Variants in HPCAL1 observed in about 807,000 individuals in gnomAD.
HPCAL1 encodes the protein hippocalcin like 1, also known as hippocalcin-like protein 1.
Under a neutral mutation model 17.1 loss-of-function variants are expected in HPCAL1, and 8 were observed. The observed-to-expected ratio is 0.47, with a 90% CI of 0.27 to 0.84. The LOEUF (loss-of-function observed/expected upper bound fraction) is 0.84. Ranked by LOEUF, HPCAL1 falls within the 40% of genes least tolerant of loss-of-function variation. The pLI is 0.13. For synonymous variants in HPCAL1, 112 were observed against 111.4 expected (o/e 1.01, Z -0.03); for missense variants, 165 against 271.1 (o/e 0.61, Z 2.75).
chr2:10,399,310 C>CCATCAT (rs1465013259), intron 2 of HPCAL1, among the ~76,000 whole-genome samples: 1 of 80,916 alleles, frequency 1.2e-5, no homozygotes, highest in Non-Finnish European at 2.6e-5. Context: ...ACCACCACCA[C>CCATCAT]CACCACCACC....
At chr2:10,371,343 G>A (rs967219513) in intron 1 of HPCAL1, among the ~76,000 whole-genome samples, 2 of 144,894 alleles carry the variant, frequency 1.4e-5, no homozygotes, top group African/African-American at 5.2e-5. Flanking sequence ...ACCCTCTTCT[G>A]GCTCTCCTCC....
intron 1 of HPCAL1, among the ~76,000 whole-genome samples, chr2:10,315,017 C>T (rs561961197): frequency 8.5e-5 from 13 of 152,168 alleles, no homozygotes; most frequent in East Asian, 3.9e-4. Context: ...GCAGGCCAGG[C>T]GCGGTGGCTC....
At chr2:10,321,432 GA>G (rs1008687497) in intron 1 of HPCAL1, among the ~76,000 whole-genome samples, 17 of 152,010 alleles carry the variant, frequency 1.1e-4, no homozygotes, top group Non-Finnish European at 2.1e-4. Context: ...TTTTTCAGGG[GA>G]AAGTGTTGTT....
chr2:10,337,028 C>T (rs1664764536), intron 1 of HPCAL1, among the ~76,000 whole-genome samples: 1 of 152,192 alleles, frequency 6.6e-6, no homozygotes, highest in South Asian at 2.1e-4. Flanking sequence ...GCTGGGATTA[C>T]AGGTGTGAGC....
In HPCAL1 at chr2:10,427,157, C is replaced by T; in HGVS notation, c.*336C>T. ...CCAGGCAGGACCTCCCGAGGCTGCG[C>T]CCCGGCCGGCCCATGCGTTTTGTGA... is the stretch of plus-strand genomic sequence containing the variant. On this transcript the variant is annotated 3_prime_UTR_variant, in exon 5 of 5. Coordinates refer to ENST00000307845, the MANE Select transcript of HPCAL1 (RefSeq NM_002149.4). 1 of 271,948 alleles carries T rather than the reference C, an allele frequency of 3.7e-6. No homozygotes were observed. The highest frequency in any genetic ancestry group is 7.1e-6 in the Non-Finnish European group (1 of 140,382). The allele number at this position is 271,948 out of a possible 1,614,324, so 16.8% of individuals were successfully genotyped here.
rs908251770 is a variant in HPCAL1, at chr2:10,384,860, G to A, written c.-110-11975G>A. Among the ~76,000 whole-genome samples, 3 of 152,198 alleles carry A rather than the reference G, an allele frequency of 2.0e-5. No homozygotes were observed. Among genetic ancestry groups the A allele is most frequent in the African/African-American group, 7.2e-5 (3 of 41,454 alleles). On this transcript the variant is annotated intron_variant, in intron 1 of 4. Coordinates refer to ENST00000307845, the MANE Select transcript of HPCAL1 (RefSeq NM_002149.4). This position sits in a 1 kb window ranked among gnomAD's most constrained non-coding sequence, Gnocchi z 4.4. ...CGACAGGCTGGGTGCGGTGGCTCAT[G>A]CCTGTAATCCCAACGCTTTGGGAGG... is the stretch of plus-strand genomic sequence containing the variant.
chr2:10,370,038 T>C (rs1333120167), intron 1 of HPCAL1, among the ~76,000 whole-genome samples: 1 of 152,156 alleles, frequency 6.6e-6, no homozygotes. Context: ...GCCTCAGGAG[T>C]GGCAGGCACA....
chr2:10,388,110 C>T (rs970915134), intron 1 of HPCAL1, among the ~76,000 whole-genome samples: 6 of 152,234 alleles, frequency 3.9e-5, no homozygotes, highest in Non-Finnish European at 5.9e-5. Flanking sequence ...GTCAGAGGCT[C>T]GTTGTCCGGC....
chr2:10,336,759 T>A (rs975134504), intron 1 of HPCAL1, among the ~76,000 whole-genome samples: 4 of 152,192 alleles, frequency 2.6e-5, no homozygotes, highest in African/African-American at 9.7e-5. Flanking sequence ...GTTTTTCCTC[T>A]TTAGAGACAG....
intron 2 of HPCAL1, among the ~76,000 whole-genome samples, chr2:10,399,507 ACCACCGCCGCCACCACCGCCACTG>A (rs1356577091): frequency 2.4e-4 from 30 of 126,628 alleles, no homozygotes; most frequent in South Asian, 1.9e-3. Flanking sequence ...CACCATCACC[ACCACCGCCGCCACCACCGCCACTG>A]CCACCGCCAC....
intron 1 of HPCAL1, among the ~76,000 whole-genome samples, chr2:10,357,070 A>G (rs1666202576): frequency 6.6e-6 from 1 of 152,060 alleles, no homozygotes; most frequent in African/African-American, 2.4e-5. Context: ...CTATGATTGC[A>G]CCACTGCACT....
At chr2:10,319,038 C>T (rs895955521) in intron 1 of HPCAL1, among the ~76,000 whole-genome samples, 15 of 152,316 alleles carry the variant, frequency 9.8e-5, no homozygotes, top group African/African-American at 4.8e-5. Flanking sequence ...GCCATTAAAC[C>T]TCTTCTGAAC....
At chr2:10,381,026 GGGGATCTTGATGGCCT>G (rs1168906001) in intron 1 of HPCAL1, among the ~76,000 whole-genome samples, 1 of 152,216 alleles carries the variant, frequency 6.6e-6, no homozygotes, top group Non-Finnish European at 1.5e-5. Context: ...GGGAACCGCT[GGGGATCTTGATGGCCT>G]GGGACCTCTG....
rs951067411 is a variant in HPCAL1, at chr2:10,362,600, C to T, written c.-110-34235C>T. Among the ~76,000 whole-genome samples the T allele has an allele frequency of 6.6e-6, 1 of 152,212 alleles. No individual in the cohort carries two copies. Among genetic ancestry groups the T allele is most frequent in the African/African-American group, 2.4e-5 (1 of 41,460 alleles). Reference sequence around the variant, plus strand: ...GTTGTAATGTTCTGCCACTTGGCAGCCTCACCAGGGACATATCAGCCCCAG... The same window carrying T: ...GTTGTAATGTTCTGCCACTTGGCAGTCTCACCAGGGACATATCAGCCCCAG... On this transcript the variant is annotated intron_variant, in intron 1 of 4. Transcript: ENST00000307845. The surrounding 1 kb of genome is among the most constrained non-coding windows in gnomAD (Gnocchi z 5.0).
At chr2:10,418,446 CAAAAAAAAAAAA>C (rs58884767) in intron 2 of HPCAL1, among the ~76,000 whole-genome samples, 1 of 60,166 alleles carries the variant, frequency 1.7e-5, no homozygotes. Flanking sequence ...GACTCCATCT[CAAAAAAAAAAAA>C]AAAAAAAAAA....
At chr2:10,368,250 T>G (rs899479345) in intron 1 of HPCAL1, among the ~76,000 whole-genome samples, 2 of 147,770 alleles carry the variant, frequency 1.4e-5, no homozygotes, top group Admixed American at 6.7e-5. Flanking sequence ...TGTGTGTGCA[T>G]TGTGTGTAGG....
chr2:10,331,808 C>T lies in HPCAL1; in HGVS notation c.-111+28631C>T, dbSNP rs1664400428. ...ACATTGGCCAATCCTGTGGTGGCCC[C>T]AGCTGGGCTTGCTGCCTGTGTGTGG... On this transcript the variant is annotated intron_variant, in intron 1 of 4. Coordinates refer to ENST00000307845, the MANE Select transcript of HPCAL1 (RefSeq NM_002149.4). The surrounding 1 kb of genome is among the most constrained non-coding windows in gnomAD (Gnocchi z 5.0). Among the ~76,000 whole-genome samples the T allele has an allele frequency of 6.6e-6, 1 of 152,156 alleles. No individual in the cohort carries two copies. Among genetic ancestry groups the T allele is most frequent in the African/African-American group, 2.4e-5 (1 of 41,440 alleles).
At chr2:10,410,021 C>G (rs551942430) in intron 2 of HPCAL1, among the ~76,000 whole-genome samples, 22 of 146,664 alleles carry the variant, frequency 1.5e-4, no homozygotes, top group African/African-American at 5.4e-4. Flanking sequence ...AACTCCTGAG[C>G]TCAGACAATC....
In HPCAL1 at chr2:10,363,003, C is replaced by T. The variant is rs1351738049; in HGVS notation, c.-110-33832C>T. Among the ~76,000 whole-genome samples, 1 of 152,192 alleles carries T rather than the reference C, an allele frequency of 6.6e-6. No homozygotes were observed. The highest frequency in any genetic ancestry group is 1.5e-5 in the Non-Finnish European group (1 of 68,032). On this transcript the variant is annotated intron_variant, in intron 1 of 4. Coordinates refer to ENST00000307845, the MANE Select transcript of HPCAL1 (RefSeq NM_002149.4). The surrounding 1 kb of genome is among the most constrained non-coding windows in gnomAD (Gnocchi z 4.7). Reference sequence around the variant, plus strand: ...TCTCTCAGTGACTCACGCCTGTAATCTCAGCATTTTGGGAGGCCAAGGTGG... The same window carrying T: ...TCTCTCAGTGACTCACGCCTGTAATTTCAGCATTTTGGGAGGCCAAGGTGG...
Sources: gnomAD v4.1 joint callset for allele counts (sites outside exome capture counted in the v4.1 genomes callset) on GRCh38, gnomAD v4.1.1 for gene constraint, Gnocchi (gnomAD v3.1) non-coding constraint, MANE v1.5 for transcripts, NCBI Gene and HGNC (gene_info 2026-07-23, HGNC 2026-07-21) for gene names.